NEB: variants seen among roughly 807,000 people sequenced by gnomAD.
The protein encoded by NEB is nebulin, also known as nemaline myopathy type 2.
NEB carries 512 observed loss-of-function variants against 952.2 expected under a neutral mutation model. The observed-to-expected ratio is 0.54, with a 90% CI of 0.50 to 0.58. The LOEUF is 0.58. Ranked by LOEUF, NEB falls within the 20% of genes least tolerant of loss-of-function variation. The probability of loss-of-function intolerance (pLI) is 0.00; values close to 1 mark genes in which losing one functional copy is unlikely to be tolerated. For missense variants in NEB, 8,428 were observed against 9,231.1 expected (o/e 0.91, Z 3.56); for synonymous variants, 2,900 against 3,149.8 (o/e 0.92, Z 2.66).
At chr2:151,531,659 G>T in intron 144 of NEB, 133 bp downstream of exon 144, 1 of 709,936 alleles carries the variant, frequency 1.4e-6, no homozygotes, top group Non-Finnish European at 2.5e-6. Context: ...TGCATAACAG[G>T]ACATCTCGCA....
intron 5 of NEB, among the ~76,000 whole-genome samples, chr2:151,726,330 G>C (rs1346346759): frequency 1.2e-4 from 19 of 152,126 alleles, no homozygotes; most frequent in Admixed American, 1.2e-3. Flanking sequence ...AAGAAGTTAA[G>C]AAAATCTTGT....
chr2:151,576,766 C>G (rs1009495182), intron 105 of NEB, among the ~76,000 whole-genome samples: 1 of 151,726 alleles, frequency 6.6e-6, no homozygotes, highest in Non-Finnish European at 1.5e-5. Context: ...AACCCCTGAC[C>G]TCAGGTGATC....
At chr2:151,550,908 G>A (rs148497574) in intron 129 of NEB, among the ~76,000 whole-genome samples, 2 of 151,206 alleles carry the variant, frequency 1.3e-5, no homozygotes, top group Non-Finnish European at 2.9e-5. Flanking sequence ...ACCTCCTAAA[G>A]TGCTGGGATT....
intron 4 of NEB, among the ~76,000 whole-genome samples, chr2:151,728,575 A>G (rs968572059): frequency 2.0e-5 from 3 of 152,228 alleles, no homozygotes; most frequent in Admixed American, 6.5e-5. Flanking sequence ...TGGGGTAATT[A>G]TCCTCACAAC....
chr2:151,724,547 A>C (rs1051568002), intron 7 of NEB, among the ~76,000 whole-genome samples, 183 bp from the exon 8 acceptor site: 1 of 152,210 alleles, frequency 6.6e-6, no homozygotes, highest in Non-Finnish European at 1.5e-5. Flanking sequence ...TTTGATTGAA[A>C]ATTCTAATTC....
At chr2:151,609,529 T>C (rs774406526) in intron 81 of NEB, among the ~76,000 whole-genome samples, 14 of 152,234 alleles carry the variant, frequency 9.2e-5, no homozygotes, top group South Asian at 8.3e-4. Context: ...CCTGTGGCAA[T>C]TGACCCAAGG....
chr2:151,498,056 T>G (rs891367653), intron 170 of NEB: 2 of 1,452,272 alleles, frequency 1.4e-6, no homozygotes, highest in Admixed American at 5.2e-5. Flanking sequence ...TCATTATTTT[T>G]AAAACATGTT....
chr2:151,500,509 T>C (rs2063608636), intron 168 of NEB, among the ~76,000 whole-genome samples: 1 of 151,172 alleles, frequency 6.6e-6, no homozygotes, highest in African/African-American at 2.4e-5. Context: ...CTGATTTGTA[T>C]ATTAAAAAAA....
intron 171 of NEB, 87 bp downstream of exon 171, chr2:151,497,536 TAAA>T: frequency 6.6e-7 from 1 of 1,503,892 alleles, no homozygotes; most frequent in Non-Finnish European, 8.9e-7. Context: ...AAGTTGTCTT[TAAA>T]AAGTAGGATT....
intron 35 of NEB, among the ~76,000 whole-genome samples, 172 bp downstream of exon 35, chr2:151,675,115 A>G (rs1479215858): frequency 6.6e-6 from 1 of 152,220 alleles, no homozygotes; most frequent in Non-Finnish European, 1.5e-5. Context: ...AAATTGTCCT[A>G]CATTTGAAAA....
At chr2:151,512,635 A>G (rs1280855345) in intron 161 of NEB, 98 bp downstream of exon 161, 1 of 920,508 alleles carries the variant, frequency 1.1e-6, no homozygotes, top group African/African-American at 1.7e-5. Flanking sequence ...TATTGGGAAA[A>G]ACTGATCTGA....
chr2:151,642,630 G>C lies in NEB; in HGVS notation c.8317C>G (p.Arg2773Gly), dbSNP rs776175154. The C allele has an allele frequency of 6.2e-7, 1 of 1,613,812 alleles. No individual in the cohort carries two copies. Among genetic ancestry groups the C allele is most frequent in the Middle Eastern group, 1.7e-4 (1 of 6,056 alleles). The change falls in exon 60 of 182, where the codon CGG becomes GGG. Residue 2773 changes from arginine (R) to glycine (G), a missense_variant. This residue lies in a region of NEB where 1,772 missense variants were observed against 1,960.3 expected (regional missense o/e 0.90). Coordinates refer to ENST00000397345, the MANE Select transcript of NEB (RefSeq NM_001164508.2). ...GCCTTGATAGGAATGGCATCTACCCGCATGTCATAACCTTTCCTCTTGGCT... is the reference window on the plus strand; with the variant it reads ...GCCTTGATAGGAATGGCATCTACCCCCATGTCATAACCTTTCCTCTTGGCT... The part of the protein sequence containing the change: ...EEAKRKGYDM[R>G]VDAIPIKAAK...
chr2:151,553,577 A>G, intron 126 of NEB, 75 bp from the exon 127 acceptor site: 1 of 1,088,158 alleles, frequency 9.2e-7, no homozygotes, highest in East Asian at 2.4e-5. Flanking sequence ...ACAGAGGTAC[A>G]TTCTAGACTC....
At chr2:151,722,456 C>T (rs1242280066) in intron 9 of NEB, among the ~76,000 whole-genome samples, 1 of 149,710 alleles carries the variant, frequency 6.7e-6, no homozygotes, top group African/African-American at 2.5e-5. Flanking sequence ...TTTTCACTAA[C>T]TGAAGTATCT....
intron 10 of NEB, among the ~76,000 whole-genome samples, chr2:151,715,827 G>A (rs2099757402): frequency 6.6e-6 from 1 of 152,222 alleles, no homozygotes; most frequent in Non-Finnish European, 1.5e-5. Context: ...TTTGGCTAGT[G>A]TCTACTGTAC....
At position 151,514,321 on chromosome 2, in the gene NEB, A is replaced by G; in HGVS notation, c.23124T>C (p.Asn7708=). 6.2e-7 allele frequency: 1 copy of G among 1,606,330 alleles called. No individual in the cohort carries two copies. Among genetic ancestry groups the G allele is most frequent in the Non-Finnish European group, 8.5e-7 (1 of 1,172,972 alleles). ...LRAKNATQIL[N]EKEYKRDLEL... ...AGGCAGTCAGCTGTGGGCCTACCTCATTGAGGATTTGAGTGGCATTCTTTG... is the reference window on the plus strand; with the variant it reads ...AGGCAGTCAGCTGTGGGCCTACCTCGTTGAGGATTTGAGTGGCATTCTTTG... Residue 7708 remains asparagine (N), a synonymous_variant, in exon 159 of 182, where the codon AAT becomes AAC. Transcript: ENST00000397345.
Position 151,579,320 on chromosome 2 carries a change from C to T in NEB, c.16704+18G>A. The T allele has an allele frequency of 1.8e-6, 2 of 1,124,324 alleles. No individual in the cohort carries two copies. Among genetic ancestry groups the T allele is most frequent in the South Asian group, 2.6e-5 (2 of 76,340 alleles). 69.6% of individuals were successfully genotyped at this position (1,124,324 alleles called of 1,614,324 possible). A position where few individuals can be genotyped will look rare whatever the true frequency, so the allele number is the denominator to read the frequency against. ...AGGCAAAGCAATGGGGGACTTGTTT[C>T]CTGGGCGACACACTTACGTCGCTCT... On this transcript the variant is annotated intron_variant, in intron 105 of 181. Transcript: ENST00000397345.
At position 151,633,182 on chromosome 2, in the gene NEB, T is replaced by C. The variant is rs139707348; in HGVS notation, c.9414+472A>G. Among the ~76,000 whole-genome samples, 57 of 152,300 alleles carry C rather than the reference T, an allele frequency of 3.7e-4. No homozygotes were observed. The East Asian group carries it at 9.2e-3, about 25-fold the overall frequency. On this transcript the variant is annotated intron_variant, in intron 65 of 181. Transcript: ENST00000397345. ...CTGTCATTACCATGTGGCTCCTCCA[T>C]AGACAGCCAGGCTAAGAGGAAGTGT...
intron 20 of NEB, among the ~76,000 whole-genome samples, chr2:151,693,329 G>A (rs1329642149): frequency 3.3e-5 from 5 of 152,006 alleles, no homozygotes; most frequent in Non-Finnish European, 1.5e-5. Flanking sequence ...ATAGGGAAGC[G>A]TGTGCCATGG....
Sources: allele counts gnomAD v4.1 joint callset (sites outside exome capture counted in the v4.1 genomes callset), GRCh38; gene constraint gnomAD v4.1.1; regional missense constraint gnomAD v4.1.1; transcripts MANE v1.5; gene names NCBI Gene and HGNC (gene_info 2026-07-23, HGNC 2026-07-21).